Variants in CBX3 observed in about 807,000 individuals in gnomAD.
CBX3 encodes the protein chromobox 3.
In CBX3, 5 loss-of-function variants were observed where a neutral mutation model predicts 22.6. The ratio of observed to expected loss-of-function variants is 0.22; its 90% confidence interval spans 0.12 to 0.47. CBX3 has a LOEUF of 0.47. Ranked by LOEUF, CBX3 falls within the 20% of genes least tolerant of loss-of-function variation. CBX3 has a pLI of 0.99. For synonymous variants in CBX3, 50 were observed against 66.6 expected (o/e 0.75, Z 1.21); for missense variants, 83 against 208.1 (o/e 0.40, Z 3.70).
At chr7:26,206,629 C>T in intron 3 of CBX3, 119 bp downstream of exon 3, 2 of 934,282 alleles carry the variant, frequency 2.1e-6, no homozygotes, top group South Asian at 1.4e-5. Context: ...TGTAAAGACA[C>T]TTTGAATTTT....
intron 3 of CBX3, 84 bp from the exon 4 acceptor site, chr7:26,208,309 G>T (rs575109916): frequency 1.4e-5 from 15 of 1,108,296 alleles, no homozygotes; most frequent in Admixed American, 2.7e-5. Flanking sequence ...ATTCCCCCGG[G>T]TGTCTATTAA....
In CBX3 at chr7:26,202,101, CT is replaced by C. The variant is rs1201365931; in HGVS notation, c.-29+276del. On this transcript the variant is annotated intron_variant, in intron 1 of 5. Coordinates refer to ENST00000396386, the MANE Select transcript of CBX3 (RefSeq NM_016587.4). ...ATTTCGAGACAAAGCGCATTTCCCC[CT>C]CCCCTCCCCCACCCGCGTTCCGGCG... 3 of 152,144 alleles carry C rather than the reference CT, an allele frequency of 2.0e-5. 1 individual carries two copies. Among genetic ancestry groups the C allele is most frequent in the South Asian group, 4.1e-4 (2 of 4,834 alleles). 9.4% of individuals were successfully genotyped at this position (152,144 alleles called of 1,614,324 possible).
intron 4 of CBX3, among the ~76,000 whole-genome samples, chr7:26,209,574 G>A (rs1379625773): frequency 6.6e-6 from 1 of 151,930 alleles, no homozygotes; most frequent in Non-Finnish European, 1.5e-5. Flanking sequence ...TCTTTGTATT[G>A]CCAAACAATA....
chr7:26,211,771 A>G lies in CBX3; in HGVS notation c.425+15A>G. 3 of 1,519,280 alleles carry G rather than the reference A, an allele frequency of 2.0e-6. No homozygotes were observed. The highest frequency in any genetic ancestry group is 2.7e-6 in the Non-Finnish European group (3 of 1,117,590). 94.1% of individuals were successfully genotyped at this position (1,519,280 alleles called of 1,614,324 possible). A position where few individuals can be genotyped will look rare whatever the true frequency, so the allele number is the denominator to read the frequency against. The stretch of plus-strand genomic sequence containing the variant: ...CTCATGAAATGGTGAGTATGCAGAG[A>G]TTGTTACATTTGAAAGTAAGAGTAG... On this transcript the variant is annotated intron_variant, in intron 5 of 5. Coordinates refer to ENST00000396386, the MANE Select transcript of CBX3 (RefSeq NM_016587.4).
chr7:26,206,204 A>G, intron 2 of CBX3, 164 bp from the exon 3 acceptor site: 1 of 562,246 alleles, frequency 1.8e-6, no homozygotes, highest in Non-Finnish European at 3.1e-6. Context: ...GCATTCTTTT[A>G]TTTTATTGTC....
intron 2 of CBX3, among the ~76,000 whole-genome samples, chr7:26,203,317 A>C (rs999577522): frequency 6.6e-6 from 1 of 150,564 alleles, no homozygotes; most frequent in East Asian, 1.9e-4. Flanking sequence ...TGCAGCGTTG[A>C]AAAATGTTAC....
intron 1 of CBX3, chr7:26,202,163 G>C (rs1204958561): frequency 6.6e-6 from 1 of 152,034 alleles, no homozygotes; most frequent in African/African-American, 2.4e-5. Flanking sequence ...CGCGGGGCTG[G>C]GTCGAGACTT....
chr7:26,208,303 C>A, intron 3 of CBX3, 90 bp from the exon 4 acceptor site: 2 of 1,069,412 alleles, frequency 1.9e-6, no homozygotes, highest in South Asian at 1.8e-5. Context: ...CTTTTTATTC[C>A]CCCGGGTGTC....
chr7:26,209,445 C>T (rs963405032), intron 4 of CBX3, among the ~76,000 whole-genome samples: 1 of 152,118 alleles, frequency 6.6e-6, no homozygotes, highest in Non-Finnish European at 1.5e-5. Context: ...ATCTTAAATA[C>T]AAACAATACT....
Position 26,213,506 on chromosome 7 carries a change from T to C in CBX3, c.*1298T>C, listed in dbSNP as rs1164834269. ...TCTTTTGAGCTTACGAGTTTTAAACTTGAATATGTATTTCCACAGGAATGT... is the reference window on the plus strand; with the variant it reads ...TCTTTTGAGCTTACGAGTTTTAAACCTGAATATGTATTTCCACAGGAATGT... On this transcript the variant is annotated 3_prime_UTR_variant, in exon 6 of 6. Coordinates refer to ENST00000396386, the MANE Select transcript of CBX3 (RefSeq NM_016587.4). 1 of 152,172 alleles carries C rather than the reference T, an allele frequency of 6.6e-6. No individual in the cohort carries two copies. Among genetic ancestry groups the C allele is most frequent in the East Asian group, 1.9e-4 (1 of 5,196 alleles). The allele number at this position is 152,172 out of a possible 1,614,324, so 9.4% of individuals were successfully genotyped here. A position where few individuals can be genotyped will look rare whatever the true frequency, so the allele number is the denominator to read the frequency against.
intron 5 of CBX3, 140 bp from the exon 6 acceptor site, chr7:26,211,942 T>A: frequency 1.1e-6 from 1 of 891,578 alleles, no homozygotes; most frequent in Admixed American, 3.5e-5. Context: ...TGAAGTTTAT[T>A]AGAACATAGC....
At chr7:26,203,239 CTT>C (rs1784592931) in intron 2 of CBX3, among the ~76,000 whole-genome samples, 1 of 152,176 alleles carries the variant, frequency 6.6e-6, no homozygotes. Context: ...GAAGGCTAAT[CTT>C]TGAAGGACAG....
intron 1 of CBX3, chr7:26,202,743 G>GT (rs996780877): frequency 2.0e-5 from 10 of 507,432 alleles, no homozygotes; most frequent in African/African-American, 1.4e-4. Flanking sequence ...ATGTGAAGCT[G>GT]TTTTAGGTAC....
At chr7:26,207,614 G>T (rs1455904375) in intron 3 of CBX3, among the ~76,000 whole-genome samples, 1 of 152,046 alleles carries the variant, frequency 6.6e-6, no homozygotes, top group East Asian at 2.0e-4. Flanking sequence ...TGCCTTCCGA[G>T]TTGAGGCGAT....
At position 26,212,342 on chromosome 7, in the gene CBX3, G is replaced by A. The variant is rs575256913; in HGVS notation, c.*134G>A. ...TTGATATGTTTGTTTTGAAAGTAGC[G>A]TTGGAAGAGTTGTTGGGGGTTTTTT... On this transcript the variant is annotated 3_prime_UTR_variant, in exon 6 of 6. Coordinates refer to ENST00000396386, the MANE Select transcript of CBX3 (RefSeq NM_016587.4). 5.0e-5 allele frequency: 26 copies of A among 518,182 alleles called. No individual in the cohort carries two copies. The highest frequency in any genetic ancestry group is 5.8e-5 in the Non-Finnish European group (21 of 364,048). 32.1% of individuals were successfully genotyped at this position (518,182 alleles called of 1,614,324 possible). A position where few individuals can be genotyped will look rare whatever the true frequency, so the allele number is the denominator to read the frequency against.
In CBX3 at chr7:26,212,737, A is replaced by G. The variant is rs1784837695; in HGVS notation, c.*529A>G. The G allele has an allele frequency of 6.6e-6, 1 of 152,272 alleles. No homozygotes were observed. The highest frequency in any genetic ancestry group is 2.1e-4 in the South Asian group (1 of 4,838). 9.4% of individuals were successfully genotyped at this position (152,272 alleles called of 1,614,324 possible). On this transcript the variant is annotated 3_prime_UTR_variant, in exon 6 of 6. Transcript: ENST00000396386. ...AAGCAAAATAAGAGATAATCCCTTC[A>G]AGTTAAATTGAAAATTTTCCTGAAA...
rs530652812 is a variant in CBX3, at chr7:26,211,626, C to CTT, written c.331-35_331-34insTT. ...TACGCCATGAAAACAATTTAATACT[C>CTT]TGAGTTTGCTGTATGAAAAAATGTC... On this transcript the variant is annotated intron_variant, in intron 4 of 5. Transcript: ENST00000396386. The CTT allele has an allele frequency of 1.0e-4, 138 of 1,323,880 alleles. No individual in the cohort carries two copies. The African/African-American group carries it at 1.9e-3, about 18-fold the overall frequency. The allele number at this position is 1,323,880 out of a possible 1,614,324, so 82.0% of individuals were successfully genotyped here. A position where few individuals can be genotyped will look rare whatever the true frequency, so the allele number is the denominator to read the frequency against.
At chr7:26,205,356 C>G (rs941370208) in intron 2 of CBX3, among the ~76,000 whole-genome samples, 8 of 152,078 alleles carry the variant, frequency 5.3e-5, no homozygotes, top group Admixed American at 4.6e-4. Flanking sequence ...CTTGAGAAAC[C>G]AGGAAGGAAG....
chr7:26,205,884 G>A (rs534275369), intron 2 of CBX3, among the ~76,000 whole-genome samples: 2 of 152,218 alleles, frequency 1.3e-5, no homozygotes, highest in Non-Finnish European at 2.9e-5. Context: ...TCAGGAGTTT[G>A]AGACCAGCCT....
Sources: allele counts gnomAD v4.1 joint callset (sites outside exome capture counted in the v4.1 genomes callset), GRCh38; gene constraint gnomAD v4.1.1; transcripts MANE v1.5; gene names NCBI Gene and HGNC (gene_info 2026-07-23, HGNC 2026-07-21).